Variants in PXDC1 observed in about 807,000 individuals in gnomAD.
PXDC1 encodes PX domain containing 1.
PXDC1 carries 13 observed loss-of-function variants against 24.4 expected under a neutral mutation model. That is an observed-to-expected ratio of 0.53 (90% CI 0.35 to 0.85). PXDC1 has a LOEUF of 0.85. Among genes scored for constraint, PXDC1 ranks in the 40% least tolerant of loss-of-function variants. The pLI is 0.01. For missense variants in PXDC1, 344 were observed against 309.3 expected (o/e 1.11, Z -0.84); for synonymous variants, 162 against 124.9 (o/e 1.30, Z -1.98).
In PXDC1 at chr6:3,751,552, A is replaced by C. The variant is rs749860589; in HGVS notation, c.-21T>G. On this transcript the variant is annotated 5_prime_UTR_variant, in exon 1 of 5. Coordinates refer to ENST00000380283, the MANE Select transcript of PXDC1 (RefSeq NM_183373.4). ...GCCATGTCGCACGCATGCCCCCGCC[A>C]AGGGCTCCCCAGCCCCGCCGCCCGC... The C allele has an allele frequency of 5.8e-6, 9 of 1,541,502 alleles. No homozygotes were observed. Among genetic ancestry groups the C allele is most frequent in the Middle Eastern group, 1.7e-4 (1 of 5,916 alleles).
rs886291117 is a variant in PXDC1 at position 3,751,190 on chromosome 6, T to C, written c.256+86A>G. The C allele has an allele frequency of 5.6e-6, 6 of 1,064,932 alleles. No individual in the cohort carries two copies. In the Admixed American group the frequency reaches 1.1e-4, roughly 19 times the overall value. 66.0% of individuals were successfully genotyped at this position (1,064,932 alleles called of 1,614,324 possible). A position where few individuals can be genotyped will look rare whatever the true frequency, so the allele number is the denominator to read the frequency against. On this transcript the variant is annotated intron_variant, in intron 1 of 4. Coordinates refer to ENST00000380283, the MANE Select transcript of PXDC1 (RefSeq NM_183373.4). The stretch of plus-strand genomic sequence containing the variant: ...GGCGGGCAGAAAGGAGAAGTCGCAA[T>C]CTCGGTTGAAGTCTCTTCCCCGCCT...
Position 3,737,322 on chromosome 6 carries a change from C to A in PXDC1, c.349-126G>T. The A allele has an allele frequency of 1.4e-6, 1 of 698,456 alleles. No individual in the cohort carries two copies. 43.3% of individuals were successfully genotyped at this position (698,456 alleles called of 1,614,324 possible). On this transcript the variant is annotated intron_variant, in intron 2 of 4. Coordinates refer to ENST00000380283, the MANE Select transcript of PXDC1 (RefSeq NM_183373.4). The surrounding 1 kb of genome is among the most constrained non-coding windows in gnomAD (Gnocchi z 5.5). ...TGTGATGCAAACGCCCCATGAATGT[C>A]CAGATGCTCCCATGGCTGGCCGCAG...
rs1035496225 is a variant in PXDC1 at position 3,737,125 on chromosome 6, A to G, written c.420T>C (p.Asn140=). The G allele has an allele frequency of 6.2e-7, 1 of 1,613,854 alleles. No individual in the cohort carries two copies. Among genetic ancestry groups the G allele is most frequent in the South Asian group, 1.1e-5 (1 of 91,080 alleles). The change falls in exon 3 of 5, where the codon AAT becomes AAC. Residue 140 remains asparagine, a synonymous_variant. Coordinates refer to ENST00000380283, the MANE Select transcript of PXDC1 (RefSeq NM_183373.4). The surrounding 1 kb of genome is among the most constrained non-coding windows in gnomAD (Gnocchi z 5.5). The stretch of plus-strand genomic sequence containing the variant: ...GAAAGCTGGGTTGAATTTTATGCAC[A>G]TTATCATTTTTTAACACCTGATCCA... ...SPLDQVLKND[N]VHKIQPSFQS... is the part of the protein sequence containing the mutation.
chr6:3,732,564 G>A (rs996222093), intron 3 of PXDC1, among the ~76,000 whole-genome samples: 5 of 152,204 alleles, frequency 3.3e-5, no homozygotes, highest in African/African-American at 4.8e-5. Flanking sequence ...GAGGCAGAAC[G>A]CTCTAAATTC....
intron 3 of PXDC1, among the ~76,000 whole-genome samples, chr6:3,732,432 T>C (rs1760220981): frequency 6.6e-6 from 1 of 152,238 alleles, no homozygotes; most frequent in Admixed American, 6.5e-5. Flanking sequence ...AATAAAATTG[T>C]GATTCATTTC....
intron 1 of PXDC1, among the ~76,000 whole-genome samples, chr6:3,749,658 G>A (rs972417418): frequency 6.6e-5 from 10 of 151,802 alleles, no homozygotes; most frequent in African/African-American, 1.7e-4. Context: ...CTGATGGGAC[G>A]GTAACAATGA....
chr6:3,739,134 C>T (rs1760398321), intron 1 of PXDC1: 4 of 1,168,544 alleles, frequency 3.4e-6, no homozygotes, highest in Non-Finnish European at 4.3e-6. Context: ...AAAGCCTGTT[C>T]AGTTTTCAAG....
rs920057781 is a variant in PXDC1, at chr6:3,737,975, CG to C, written c.348+81del. 135 of 1,166,192 alleles carry C rather than the reference CG, an allele frequency of 1.2e-4. No individual in the cohort carries two copies. Among genetic ancestry groups the C allele is most frequent in the Middle Eastern group, 7.3e-4 (3 of 4,082 alleles). 72.2% of individuals were successfully genotyped at this position (1,166,192 alleles called of 1,614,324 possible). A position where few individuals can be genotyped will look rare whatever the true frequency, so the allele number is the denominator to read the frequency against. On this transcript the variant is annotated intron_variant, in intron 2 of 4. Coordinates refer to ENST00000380283, the MANE Select transcript of PXDC1 (RefSeq NM_183373.4). The surrounding 1 kb of genome is among the most constrained non-coding windows in gnomAD (Gnocchi z 5.5). ...AGACAGAGCAAGCAAGTCAACCCTCCGGGGGGATGGACGCCTTTCGCATTTG... is the reference window on the plus strand; with the variant it reads ...AGACAGAGCAAGCAAGTCAACCCTCCGGGGGATGGACGCCTTTCGCATTTG...
intron 1 of PXDC1, 101 bp from the exon 2 acceptor site, chr6:3,738,249 T>C (rs1760373681): frequency 1.2e-6 from 1 of 860,408 alleles, no homozygotes; most frequent in East Asian, 2.4e-5. Flanking sequence ...AGGGTCGTCA[T>C]CTGTAATGAG....
At chr6:3,735,024 C>T (rs1381987067) in intron 3 of PXDC1, among the ~76,000 whole-genome samples, 4 of 152,136 alleles carry the variant, frequency 2.6e-5, no homozygotes, top group African/African-American at 7.2e-5. Flanking sequence ...TGCACCACCG[C>T]ACTCCAGCCT....
At chr6:3,750,712 G>A (rs1243473300) in intron 1 of PXDC1, among the ~76,000 whole-genome samples, 1 of 152,174 alleles carries the variant, frequency 6.6e-6, no homozygotes, top group East Asian at 1.9e-4. Flanking sequence ...CTGGCTGTCC[G>A]CGGCAGCCGC....
Position 3,751,377 on chromosome 6 carries a change from T to A in PXDC1, c.155A>T (p.Tyr52Phe), listed in dbSNP as rs1294218214. ...RTEWSDRSVL[Y>F]LHRSLADLGR... is the part of the protein sequence containing the mutation. ...CAGGTCCGCCAGGCTGCGGTGCAGG[T>A]AGAGCACGCTGCGGTCCGACCACTC... Residue 52 changes from tyrosine (Y) to phenylalanine (F), a missense_variant, in exon 1 of 5, where the codon TAC (tyrosine) becomes TTC (phenylalanine). Tyr to Phe is a conservative substitution (Grantham distance 22, BLOSUM62 3). Transcript: ENST00000380283. 6.4e-7 allele frequency: 1 copy of A among 1,564,530 alleles called. No individual in the cohort carries two copies. Among genetic ancestry groups the A allele is most frequent in the Non-Finnish European group, 8.6e-7 (1 of 1,156,380 alleles).
At chr6:3,730,058 A>C (rs1020036048) in intron 3 of PXDC1, among the ~76,000 whole-genome samples, 4 of 152,206 alleles carry the variant, frequency 2.6e-5, no homozygotes, top group African/African-American at 9.7e-5. Flanking sequence ...ATGTGGTTTA[A>C]TTATTTGCAA....
chr6:3,751,239 T>C, intron 1 of PXDC1, 37 bp downstream of exon 1: 1 of 1,409,650 alleles, frequency 7.1e-7, no homozygotes, highest in Non-Finnish European at 9.3e-7. Context: ...CAAGGCTGCC[T>C]CGGCCCCGCG....
chr6:3,736,997 A>C, intron 3 of PXDC1, 82 bp downstream of exon 3: 3 of 836,572 alleles, frequency 3.6e-6, no homozygotes, highest in Non-Finnish European at 6.2e-6. Context: ...CCAGCCTCAG[A>C]GACAGCCAAC....
At chr6:3,735,022 C>T (rs1299644610) in intron 3 of PXDC1, among the ~76,000 whole-genome samples, 3 of 151,994 alleles carry the variant, frequency 2.0e-5, no homozygotes, top group African/African-American at 4.8e-5. Context: ...ACTGCACCAC[C>T]GCACTCCAGC....
At chr6:3,736,077 G>A (rs1185190661) in intron 3 of PXDC1, among the ~76,000 whole-genome samples, 1 of 152,076 alleles carries the variant, frequency 6.6e-6, no homozygotes, top group Non-Finnish European at 1.5e-5. Flanking sequence ...TCCCACTTGT[G>A]CTGTGGCCCA....
rs758484416 is a variant in PXDC1, at chr6:3,750,748, G to A, written c.256+528C>T. 7.0e-4 allele frequency among the ~76,000 whole-genome samples: 107 copies of A among 152,172 alleles called. 3 individuals carry two copies. The highest frequency in any genetic ancestry group is 2.9e-4 in the Non-Finnish European group (20 of 68,010). The stretch of plus-strand genomic sequence containing the variant: ...GGGCGGGGCGGCCGCTCCGAGGAGG[G>A]ACGGAAGGGCTGCGTGGCACCTCGC... On this transcript the variant is annotated intron_variant, in intron 1 of 4. Transcript: ENST00000380283.
intron 1 of PXDC1, chr6:3,751,064 G>A (rs747220925): frequency 4.1e-6 from 2 of 482,540 alleles, no homozygotes; most frequent in Non-Finnish European, 7.2e-6. Flanking sequence ...TCCTCCGCCG[G>A]GGGCGCCCCC....
Sources: gnomAD v4.1 joint callset for allele counts (sites outside exome capture counted in the v4.1 genomes callset) on GRCh38, gnomAD v4.1.1 for gene constraint, Gnocchi (gnomAD v3.1) non-coding constraint, MANE v1.5 for transcripts, NCBI Gene and HGNC (gene_info 2026-07-23, HGNC 2026-07-21) for gene names.